Variants in PDE3A observed in about 807,000 individuals in gnomAD.
PDE3A encodes phosphodiesterase 3A, also known as cGMP-inhibited 3',5'-cyclic phosphodiesterase 3A.
In PDE3A, 43 loss-of-function variants were observed where a neutral mutation model predicts 98.3. The observed-to-expected ratio is 0.44, with a 90% confidence interval of 0.34 to 0.56. The LOEUF (loss-of-function observed/expected upper bound fraction) is 0.56. Ranked by LOEUF, PDE3A falls within the 20% of genes least tolerant of loss-of-function variation. The pLI is 0.01. For synonymous variants in PDE3A, 663 were observed against 567.9 expected (o/e 1.17, Z -2.38); for missense variants, 1,427 against 1,440.7 (o/e 0.99, Z 0.15).
intron 14 of PDE3A, among the ~76,000 whole-genome samples, chr12:20,653,609 G>C (rs1944970443): frequency 6.6e-6 from 1 of 152,134 alleles, no homozygotes; most frequent in African/African-American, 2.4e-5. Flanking sequence ...GCATCCCAAA[G>C]TGCTGGGATT....
chr12:20,369,948 A>G lies in PDE3A; in HGVS notation c.664A>G (p.Arg222Gly). Residue 222 changes from arginine to glycine, a missense_variant, in exon 1 of 16, where the codon AGG (arginine) becomes GGG (glycine). Arg to Gly is a moderately radical substitution (Grantham distance 125, BLOSUM62 -2). Transcript: ENST00000359062. ...VLMIALTSAV[R>G]TVSLISLERF... ...CATGATCGCCTTGACTAGCGCGGTC[A>G]GGACCGTGTCCCTCATTTCCTTAGA... 1 of 1,613,514 alleles carries G rather than the reference A, an allele frequency of 6.2e-7. No individual in the cohort carries two copies. The highest frequency in any genetic ancestry group is 8.5e-7 in the Non-Finnish European group (1 of 1,180,006).
chr12:20,565,450 G>C (rs566799758), intron 2 of PDE3A, among the ~76,000 whole-genome samples: 1 of 151,994 alleles, frequency 6.6e-6, no homozygotes, highest in Admixed American at 6.6e-5. Context: ...TTCACTTATA[G>C]ATAAAACTGA....
intron 1 of PDE3A, among the ~76,000 whole-genome samples, chr12:20,468,183 A>G (rs1473776530): frequency 6.6e-6 from 1 of 152,042 alleles, no homozygotes; most frequent in Admixed American, 6.6e-5. Context: ...TCCATTTGCA[A>G]TTGATTTCTG....
chr12:20,408,583 A>G (rs1432663159), intron 1 of PDE3A, among the ~76,000 whole-genome samples: 1 of 152,142 alleles, frequency 6.6e-6, no homozygotes, highest in East Asian at 1.9e-4. Context: ...TTTTTATTTC[A>G]AAGATTAAAT....
In PDE3A at chr12:20,386,124, T is replaced by TATATATAA. The variant is rs1565532580; in HGVS notation, c.960+15888_960+15895dup. 8.8e-4 allele frequency among the ~76,000 whole-genome samples: 16 copies of TATATATAA among 18,218 alleles called. 1 individual carries two copies. The highest frequency in any genetic ancestry group is 1.5e-3 in the African/African-American group (11 of 7,496). The allele number at this position is 18,218 out of a possible 152,430, so 12.0% of individuals were successfully genotyped here. On this transcript the variant is annotated intron_variant, in intron 1 of 15. Coordinates refer to ENST00000359062, the MANE Select transcript of PDE3A (RefSeq NM_000921.5). ...AAATATATATATAAATATATATAAA[T>TATATATAA]ATATATAAATATATATAAATATATA... is the stretch of plus-strand genomic sequence containing the variant.
chr12:20,565,743 T>G (rs1341520367), intron 2 of PDE3A, among the ~76,000 whole-genome samples: 2 of 151,960 alleles, frequency 1.3e-5, no homozygotes, highest in Non-Finnish European at 2.9e-5. Flanking sequence ...TACAATTTTT[T>G]TTTATTTGGG....
At chr12:20,408,633 AT>A (rs1369516117) in intron 1 of PDE3A, among the ~76,000 whole-genome samples, 1 of 151,970 alleles carries the variant, frequency 6.6e-6, no homozygotes, top group Admixed American at 6.6e-5. Context: ...ATCTGTTCTC[AT>A]TTTTTCCTTT....
At chr12:20,656,176 A>G (rs1945039247) in intron 15 of PDE3A, among the ~76,000 whole-genome samples, 1 of 152,162 alleles carries the variant, frequency 6.6e-6, no homozygotes, top group African/African-American at 2.4e-5. Context: ...TAATATCCTC[A>G]AGGTTCTTAC....
intron 5 of PDE3A, among the ~76,000 whole-genome samples, chr12:20,629,403 A>T (rs888931094): frequency 1.3e-5 from 2 of 152,230 alleles, no homozygotes; most frequent in Admixed American, 1.3e-4. Flanking sequence ...ATGGTTAAGA[A>T]GGTTAATTTC....
At chr12:20,376,823 T>G (rs1943580169) in intron 1 of PDE3A, among the ~76,000 whole-genome samples, 1 of 151,774 alleles carries the variant, frequency 6.6e-6, no homozygotes, top group Non-Finnish European at 1.5e-5. Flanking sequence ...GAGGAGGTCA[T>G]GAAGAACATT....
chr12:20,459,986 C>T (rs1945219457), intron 1 of PDE3A, among the ~76,000 whole-genome samples: 1 of 152,186 alleles, frequency 6.6e-6, no homozygotes, highest in South Asian at 2.1e-4. Flanking sequence ...ATTAAAACAG[C>T]ATTGTGCCAT....
chr12:20,665,260 A>C (rs566187258), intron 15 of PDE3A, among the ~76,000 whole-genome samples: 10 of 152,350 alleles, frequency 6.6e-5, no homozygotes, highest in Admixed American at 5.9e-4. Flanking sequence ...ATTTTGGTAC[A>C]TATCAGGTGA....
chr12:20,443,554 A>C (rs571171074), intron 1 of PDE3A, among the ~76,000 whole-genome samples: 1 of 152,230 alleles, frequency 6.6e-6, no homozygotes, highest in South Asian at 2.1e-4. Context: ...CATTTTTTTG[A>C]CTAGCTTTTT....
rs141680082 is a variant in PDE3A, at chr12:20,397,135, A to G, written c.960+26891A>G. On this transcript the variant is annotated intron_variant, in intron 1 of 15. Coordinates refer to ENST00000359062, the MANE Select transcript of PDE3A (RefSeq NM_000921.5). ...CTTACTCTAAGCCAAGCTAAATTCT[A>G]AAAATGTATGTTTGTAAGTACATTT... Among the ~76,000 whole-genome samples the G allele has an allele frequency of 3.1e-3, 470 of 152,232 alleles. 1 individual carries two copies. Among genetic ancestry groups the G allele is most frequent in the Non-Finnish European group, 6.0e-3 (405 of 67,986 alleles).
intron 1 of PDE3A, among the ~76,000 whole-genome samples, chr12:20,521,007 A>G (rs1565576128): frequency 6.6e-6 from 1 of 152,208 alleles, no homozygotes; most frequent in African/African-American, 2.4e-5. Flanking sequence ...AGTTTGAACT[A>G]AAGAATGGCC....
intron 1 of PDE3A, among the ~76,000 whole-genome samples, chr12:20,392,914 C>A (rs1356124907): frequency 6.6e-6 from 1 of 151,646 alleles, no homozygotes; most frequent in Non-Finnish European, 1.5e-5. Context: ...TATGTGGGAG[C>A]CTAAAAAGTG....
intron 10 of PDE3A, among the ~76,000 whole-genome samples, chr12:20,640,379 A>G (rs1473171440): frequency 6.6e-6 from 1 of 152,108 alleles, no homozygotes; most frequent in African/African-American, 2.4e-5. Context: ...CATCCCTTTT[A>G]TTGGGTAAAT....
At chr12:20,619,882 G>GTGTC (rs1565452025) in intron 4 of PDE3A, among the ~76,000 whole-genome samples, 3 of 151,970 alleles carry the variant, frequency 2.0e-5, no homozygotes, top group African/African-American at 7.2e-5. Context: ...GAGATAACAA[G>GTGTC]TGTCAGAGTG....
chr12:20,586,722 A>G (rs187585382), intron 2 of PDE3A, among the ~76,000 whole-genome samples: 49 of 152,366 alleles, frequency 3.2e-4, no homozygotes, highest in African/African-American at 1.2e-3. Flanking sequence ...AAAAAGTGAA[A>G]AAGCAAAACT....
Sources: gnomAD v4.1 joint callset for allele counts (sites outside exome capture counted in the v4.1 genomes callset) on GRCh38, gnomAD v4.1.1 for gene constraint, MANE v1.5 for transcripts, NCBI Gene and HGNC (gene_info 2026-07-23, HGNC 2026-07-21) for gene names.